EPHA5: variants seen among roughly 807,000 people sequenced by gnomAD.
The protein encoded by EPHA5 is EPH receptor A5, also known as ephrin type-A receptor 5.
Under a neutral mutation model 105.0 loss-of-function variants are expected in EPHA5, and 60 were observed. That is an observed-to-expected ratio of 0.57 (90% CI 0.46 to 0.71). The LOEUF is 0.71. Ranked by LOEUF, EPHA5 falls within the 30% of genes least tolerant of loss-of-function variation. EPHA5 has a pLI of 0.00. For missense variants in EPHA5, 1,218 were observed against 1,274.7 expected (o/e 0.96, Z 0.68); for synonymous variants, 513 against 449.1 (o/e 1.14, Z -1.80).
At chr4:65,662,338 AT>A (rs1301920269) in intron 1 of EPHA5, among the ~76,000 whole-genome samples, 1 of 151,886 alleles carries the variant, frequency 6.6e-6, no homozygotes, top group African/African-American at 2.4e-5. Context: ...TGGCTCTTTA[AT>A]TTTTTTTATT....
chr4:65,663,987 C>A (rs1276013591), intron 1 of EPHA5, among the ~76,000 whole-genome samples: 4 of 151,818 alleles, frequency 2.6e-5, no homozygotes, highest in Non-Finnish European at 4.4e-5. Context: ...AATGAATTGT[C>A]AAAAATAAGA....
At chr4:65,581,332 T>G (rs1212296685) in intron 3 of EPHA5, among the ~76,000 whole-genome samples, 1 of 151,776 alleles carries the variant, frequency 6.6e-6, no homozygotes, top group Non-Finnish European at 1.5e-5. Flanking sequence ...GTTTGTTTTT[T>G]TGTTCTTGTT....
At chr4:65,488,662 T>C (rs1329902593) in intron 5 of EPHA5, among the ~76,000 whole-genome samples, 2 of 152,152 alleles carry the variant, frequency 1.3e-5, no homozygotes, top group Non-Finnish European at 2.9e-5. Context: ...TGGTAAAAAA[T>C]ATAAACGATT....
At chr4:65,639,493 T>A (rs888140286) in intron 2 of EPHA5, among the ~76,000 whole-genome samples, 1 of 152,188 alleles carries the variant, frequency 6.6e-6, no homozygotes, top group Non-Finnish European at 1.5e-5. Flanking sequence ...AGGTGAGATG[T>A]TTGACTCTTG....
intron 6 of EPHA5, 74 bp downstream of exon 6, chr4:65,420,367 C>T (rs2149035945): frequency 2.8e-6 from 4 of 1,420,040 alleles, no homozygotes; most frequent in Non-Finnish European, 3.8e-6. Context: ...TACTCTTCTG[C>T]AAGTTGGATA....
intron 7 of EPHA5, among the ~76,000 whole-genome samples, chr4:65,404,717 T>A (rs1415075173): frequency 6.6e-6 from 1 of 152,194 alleles, no homozygotes; most frequent in Non-Finnish European, 1.5e-5. Flanking sequence ...TATTTCCTTG[T>A]CATAATAAAA....
At chr4:65,432,533 G>A (rs1725075772) in intron 5 of EPHA5, among the ~76,000 whole-genome samples, 1 of 151,924 alleles carries the variant, frequency 6.6e-6, no homozygotes, top group South Asian at 2.1e-4. Context: ...CCTTTTCGTT[G>A]TTCTGTTTTG....
At chr4:65,656,423 G>C (rs1366258590) in intron 1 of EPHA5, among the ~76,000 whole-genome samples, 1 of 151,120 alleles carries the variant, frequency 6.6e-6, no homozygotes, top group Non-Finnish European at 1.5e-5. Context: ...TGATGATAGT[G>C]AGATTTTCTT....
chr4:65,435,150 A>G (rs1159350928), intron 5 of EPHA5, among the ~76,000 whole-genome samples: 6 of 152,132 alleles, frequency 3.9e-5, no homozygotes, highest in Non-Finnish European at 7.4e-5. Flanking sequence ...CGTAAACTAT[A>G]TATACACCCT....
In EPHA5 at chr4:65,420,425, A is replaced by C. The variant is rs897064351; in HGVS notation, c.1527+16T>G. The C allele has an allele frequency of 1.3e-6, 2 of 1,543,864 alleles. No homozygotes were observed. Among genetic ancestry groups the C allele is most frequent in the Non-Finnish European group, 1.7e-6 (2 of 1,150,112 alleles). Reference sequence around the variant, plus strand: ...AAAAAAGAAAGTGAGGACATTTTTTATTCTGTTAGTCTTACCTTTTCAAAA... The same window carrying C: ...AAAAAAGAAAGTGAGGACATTTTTTCTTCTGTTAGTCTTACCTTTTCAAAA... On this transcript the variant is annotated intron_variant, in intron 6 of 16. Transcript: ENST00000613740.
At chr4:65,445,264 C>T (rs551303327) in intron 5 of EPHA5, among the ~76,000 whole-genome samples, 37 of 152,028 alleles carry the variant, frequency 2.4e-4, no homozygotes, top group African/African-American at 8.7e-4. Flanking sequence ...ACAAATTGTT[C>T]AAAATAATTT....
At chr4:65,591,613 A>T (rs4524443) in intron 3 of EPHA5, among the ~76,000 whole-genome samples, 124,219 of 147,150 alleles carry the variant, frequency 0.84, 52,343 homozygotes, top group Non-Finnish European at 0.91. Flanking sequence ...TATTTTTTTT[A>T]AAAAAAAAGC....
chr4:65,360,796 C>A (rs958360976), intron 11 of EPHA5, among the ~76,000 whole-genome samples: 1 of 151,516 alleles, frequency 6.6e-6, no homozygotes, highest in Non-Finnish European at 1.5e-5. Flanking sequence ...TACATAGCCA[C>A]AATTTATTCA....
chr4:65,514,648 G>A (rs114194568), intron 3 of EPHA5, among the ~76,000 whole-genome samples: 159 of 152,254 alleles, frequency 1.0e-3, no homozygotes, highest in African/African-American at 3.8e-3. Context: ...ACTGAGTTCA[G>A]TGGTTTTCAT....
chr4:65,336,401 ATTTG>A (rs1466510256), intron 14 of EPHA5, among the ~76,000 whole-genome samples: 1 of 152,108 alleles, frequency 6.6e-6, no homozygotes, highest in Non-Finnish European at 1.5e-5. Flanking sequence ...GTGAAGGGTG[ATTTG>A]TAAAATTAAT....
chr4:65,373,378 G>A (rs972833946), intron 8 of EPHA5, among the ~76,000 whole-genome samples: 13 of 151,686 alleles, frequency 8.6e-5, no homozygotes, highest in Admixed American at 5.3e-4. Context: ...TGCCACTTTC[G>A]TGCTGTATAA....
chr4:65,564,386 T>C (rs1232575884), intron 3 of EPHA5, among the ~76,000 whole-genome samples: 1 of 151,882 alleles, frequency 6.6e-6, no homozygotes, highest in Non-Finnish European at 1.5e-5. Flanking sequence ...AAATATTACA[T>C]TAGGAGATTG....
chr4:65,341,147 A>G (rs2148824462), intron 14 of EPHA5, among the ~76,000 whole-genome samples: 1 of 152,272 alleles, frequency 6.6e-6, no homozygotes, highest in Non-Finnish European at 1.5e-5. Context: ...GAGGGCCTAG[A>G]TTAGCCTATG....
At chr4:65,498,196 A>G (rs1007554193) in intron 3 of EPHA5, among the ~76,000 whole-genome samples, 3 of 151,966 alleles carry the variant, frequency 2.0e-5, no homozygotes, top group East Asian at 1.9e-4. Context: ...TAAAGAATTG[A>G]TCAAGAAGAT....
Sources: gnomAD v4.1 joint callset for allele counts (sites outside exome capture counted in the v4.1 genomes callset) on GRCh38, gnomAD v4.1.1 for gene constraint, MANE v1.5 for transcripts, NCBI Gene and HGNC (gene_info 2026-07-23, HGNC 2026-07-21) for gene names.